KCNH7: variants seen among roughly 807,000 people sequenced by gnomAD.
KCNH7 encodes the protein potassium voltage-gated channel subfamily H member 7.
A neutral mutation model predicts 120.8 loss-of-function variants in KCNH7; 49 were observed. The ratio of observed to expected loss-of-function variants is 0.41; its 90% CI spans 0.32 to 0.51. The LOEUF is 0.51. Among genes scored for constraint, KCNH7 ranks in the 20% least tolerant of loss-of-function variants. The pLI is 0.38. For missense variants in KCNH7, 1,097 were observed against 1,446.6 expected (o/e 0.76, Z 3.92); for synonymous variants, 547 against 516.1 (o/e 1.06, Z -0.81).
intron 12 of KCNH7, among the ~76,000 whole-genome samples, chr2:162,390,992 G>A (rs1051452103): frequency 5.9e-5 from 9 of 152,104 alleles, no homozygotes; most frequent in African/African-American, 1.7e-4. Flanking sequence ...GCAGGCGGCA[G>A]GTGTGGATCA....
At chr2:162,589,197 G>A (rs1290451302) in intron 2 of KCNH7, among the ~76,000 whole-genome samples, 3 of 152,038 alleles carry the variant, frequency 2.0e-5, no homozygotes, top group Non-Finnish European at 2.9e-5. Context: ...TTTGTAGACC[G>A]AACGACTCCC....
chr2:162,608,233 C>T (rs1273573617), intron 2 of KCNH7, among the ~76,000 whole-genome samples: 4 of 152,134 alleles, frequency 2.6e-5, no homozygotes, highest in Non-Finnish European at 5.9e-5. Flanking sequence ...ATGGCCCAGA[C>T]CAGAGAGAGA....
At chr2:162,599,859 T>C (rs911469870) in intron 2 of KCNH7, among the ~76,000 whole-genome samples, 7 of 151,394 alleles carry the variant, frequency 4.6e-5, no homozygotes, top group Admixed American at 2.6e-4. Flanking sequence ...AGTGAAGCCA[T>C]GTCAACCAAA....
intron 2 of KCNH7, among the ~76,000 whole-genome samples, chr2:162,731,260 A>G (rs78930168): frequency 0.05 from 7,400 of 148,420 alleles, 537 homozygotes; most frequent in African/African-American, 0.16. Context: ...ATAATATTAT[A>G]TATAATAATA....
chr2:162,418,283 C>T (rs1302372274), intron 9 of KCNH7, among the ~76,000 whole-genome samples: 1 of 151,988 alleles, frequency 6.6e-6, no homozygotes, highest in East Asian at 1.9e-4. Flanking sequence ...CTTTTAAATG[C>T]ATGGAGGATT....
intron 2 of KCNH7, among the ~76,000 whole-genome samples, chr2:162,808,367 T>C (rs1684622503): frequency 6.6e-6 from 1 of 152,142 alleles, no homozygotes; most frequent in Non-Finnish European, 1.5e-5. Flanking sequence ...GTACAGTCTT[T>C]ACCCCACAAA....
intron 2 of KCNH7, among the ~76,000 whole-genome samples, chr2:162,816,257 CAAAAAAAAAAAA>C (rs10599191): frequency 3.3e-5 from 2 of 59,988 alleles, no homozygotes; most frequent in African/African-American, 6.6e-5. Flanking sequence ...AACTCCATCT[CAAAAAAAAAAAA>C]AAAAAAAAAA....
chr2:162,540,714 T>A (rs1692274849), intron 2 of KCNH7, among the ~76,000 whole-genome samples: 1 of 152,082 alleles, frequency 6.6e-6, no homozygotes, highest in South Asian at 2.1e-4. Flanking sequence ...AGAATGGATC[T>A]GAAGCTTTTC....
chr2:162,462,977 G>T (rs914235248), intron 6 of KCNH7, among the ~76,000 whole-genome samples: 8 of 152,012 alleles, frequency 5.3e-5, no homozygotes, highest in Non-Finnish European at 1.0e-4. Context: ...AGTAAATTCA[G>T]TTACTAAGTA....
chr2:162,463,726 T>C (rs1456842994), intron 6 of KCNH7, among the ~76,000 whole-genome samples: 1 of 151,610 alleles, frequency 6.6e-6, no homozygotes, highest in Non-Finnish European at 1.5e-5. Context: ...AGAAATACAG[T>C]ACTCCCTAAT....
At chr2:162,389,600 G>C (rs1686682548) in intron 12 of KCNH7, among the ~76,000 whole-genome samples, 1 of 151,954 alleles carries the variant, frequency 6.6e-6, no homozygotes, top group African/African-American at 2.4e-5. Context: ...GTGACCTCAG[G>C]TGACATCAAT....
intron 2 of KCNH7, among the ~76,000 whole-genome samples, chr2:162,702,038 T>C (rs1204092758): frequency 6.6e-6 from 1 of 151,922 alleles, no homozygotes; most frequent in Non-Finnish European, 1.5e-5. Context: ...CTTTCTATGT[T>C]GGTGCTCAGG....
chr2:162,513,254 TTTCCCTCCTTCCTTCCCTCCTTCCCTCC>T (rs1381894806), intron 4 of KCNH7, among the ~76,000 whole-genome samples: 4 of 102,336 alleles, frequency 3.9e-5, no homozygotes, highest in Admixed American at 1.4e-4. Flanking sequence ...CCCTTCCCTC[TTTCCCTCCTTCCTTCCCTCCTTCCCTCC>T]TTCCCTCCTT....
intron 3 of KCNH7, among the ~76,000 whole-genome samples, chr2:162,530,069 G>A (rs985490847): frequency 1.3e-5 from 2 of 151,896 alleles, no homozygotes; most frequent in Non-Finnish European, 2.9e-5. Context: ...TAGGTCTTCT[G>A]AGAGAAAGCT....
intron 2 of KCNH7, among the ~76,000 whole-genome samples, chr2:162,825,119 T>C (rs1364966895): frequency 6.6e-6 from 1 of 152,030 alleles, no homozygotes; most frequent in African/African-American, 2.4e-5. Flanking sequence ...TATCAGTTTC[T>C]GAATCTGAGG....
intron 2 of KCNH7, among the ~76,000 whole-genome samples, chr2:162,562,718 C>T (rs1693117318): frequency 6.6e-6 from 1 of 152,106 alleles, no homozygotes; most frequent in Non-Finnish European, 1.5e-5. Context: ...GCTTGCCAGT[C>T]AATAAAGCGA....
At chr2:162,633,349 T>C (rs1388520110) in intron 2 of KCNH7, among the ~76,000 whole-genome samples, 4 of 151,970 alleles carry the variant, frequency 2.6e-5, no homozygotes, top group Admixed American at 1.3e-4. Context: ...AGGTAAAGAA[T>C]TCCTAACTGC....
chr2:162,738,966 G>C (rs182480334), intron 2 of KCNH7, among the ~76,000 whole-genome samples: 1 of 151,924 alleles, frequency 6.6e-6, no homozygotes, highest in African/African-American at 2.4e-5. Flanking sequence ...TGATCCTTCC[G>C]CACTGGATCC....
At chr2:162,429,461 A>T (rs1687995406) in intron 8 of KCNH7, among the ~76,000 whole-genome samples, 1 of 117,036 alleles carries the variant, frequency 8.5e-6, no homozygotes, top group African/African-American at 3.4e-5. Context: ...CCAAATTTTC[A>T]TCTGGTATAA....
Sources: gnomAD v4.1 joint callset for allele counts (sites outside exome capture counted in the v4.1 genomes callset) on GRCh38, gnomAD v4.1.1 for gene constraint, MANE v1.5 for transcripts, NCBI Gene and HGNC (gene_info 2026-07-23, HGNC 2026-07-21) for gene names.